Variants in SYCP2L observed in about 807,000 individuals in gnomAD.
The protein encoded by SYCP2L is synaptonemal complex protein 2-like.
A neutral mutation model predicts 125.8 loss-of-function variants in SYCP2L; 98 were observed. That is an observed-to-expected ratio of 0.78 (90% CI 0.66 to 0.92). The LOEUF (loss-of-function observed/expected upper bound fraction) is 0.92. SYCP2L is among the 40% of genes least tolerant of loss of function. The pLI is 0.00. For missense variants in SYCP2L, 842 were observed against 936.4 expected (o/e 0.90, Z 1.32); for synonymous variants, 317 against 325.4 (o/e 0.97, Z 0.28).
At chr6:10,895,469 G>A (rs1280943285) in intron 4 of SYCP2L, among the ~76,000 whole-genome samples, 1 of 152,144 alleles carries the variant, frequency 6.6e-6, no homozygotes, top group Non-Finnish European at 1.5e-5. Flanking sequence ...GGGTGGGCAT[G>A]TAAGAGAAAG....
At chr6:10,894,274 G>T (rs376278284) in intron 4 of SYCP2L, 70 bp downstream of exon 4, 1 of 1,534,410 alleles carries the variant, frequency 6.5e-7, no homozygotes, top group Non-Finnish European at 8.8e-7. Flanking sequence ...TAGTTGTCTA[G>T]TTAAGTTTGG....
chr6:10,898,653 T>A (rs1465628895), intron 5 of SYCP2L, among the ~76,000 whole-genome samples, 171 bp from the exon 6 acceptor site: 1 of 152,220 alleles, frequency 6.6e-6, no homozygotes, highest in African/African-American at 2.4e-5. Context: ...GAGAGTGATA[T>A]GCACATTTTA....
intron 29 of SYCP2L, among the ~76,000 whole-genome samples, chr6:10,970,190 G>T (rs1781747911): frequency 1.3e-5 from 2 of 152,136 alleles, no homozygotes; most frequent in South Asian, 4.1e-4. Context: ...TCTGAAGGTC[G>T]AGATGGAGCC....
At chr6:10,924,712 T>C in intron 15 of SYCP2L, 71 bp downstream of exon 15, 1 of 1,318,532 alleles carries the variant, frequency 7.6e-7, no homozygotes, top group East Asian at 2.9e-5. Context: ...AATGTCCTTG[T>C]TGGGTTTTGA....
chr6:10,895,413 A>G (rs931366019), intron 4 of SYCP2L, among the ~76,000 whole-genome samples: 9 of 152,152 alleles, frequency 5.9e-5, no homozygotes, highest in African/African-American at 2.2e-4. Context: ...GGGTCGTACA[A>G]TCTAATTCCG....
At chr6:10,937,505 C>T (rs1781120922) in intron 21 of SYCP2L, among the ~76,000 whole-genome samples, 1 of 152,056 alleles carries the variant, frequency 6.6e-6, no homozygotes, top group Admixed American at 6.5e-5. Flanking sequence ...CAAGTAACTT[C>T]ACCCCTCAAG....
At chr6:10,930,322 G>A in intron 18 of SYCP2L, 48 bp from the exon 19 acceptor site, 1 of 1,575,256 alleles carries the variant, frequency 6.3e-7, no homozygotes, top group Non-Finnish European at 8.6e-7. Flanking sequence ...ATACATAAGA[G>A]GCACTAACAC....
chr6:10,955,043 G>A, intron 23 of SYCP2L, 73 bp from the exon 24 acceptor site: 1 of 1,036,402 alleles, frequency 9.6e-7, no homozygotes, highest in Non-Finnish European at 1.5e-6. Flanking sequence ...ACTCTTCACA[G>A]TAAGACATTA....
In SYCP2L at chr6:10,902,898, T is replaced by C; in HGVS notation, c.576T>C (p.Ile192=). Residue 192 remains isoleucine, a synonymous_variant, in exon 8 of 30, where the codon ATT becomes ATC. Transcript: ENST00000283141. ...AGGGCTTGAAGACTTTTAACTGCAT[T>C]TTGCACGCTGTCCCTCGAGAAGAGA... ...QQEGLKTFNC[I]LHAVPREERK... 6.2e-7 allele frequency: 1 copy of C among 1,614,198 alleles called. No individual in the cohort carries two copies. Among genetic ancestry groups the C allele is most frequent in the South Asian group, 1.1e-5 (1 of 91,086 alleles).
rs70991076 is a variant in SYCP2L, at chr6:10,931,990, C to CTTTT, written c.1683+515_1683+518dup. Among the ~76,000 whole-genome samples the CTTTT allele has an allele frequency of 0.016, 1,851 of 116,394 alleles. 95 individuals carry two copies. In the East Asian group the frequency reaches 0.2, roughly 13 times the overall value. 76.4% of individuals were successfully genotyped at this position (116,394 alleles called of 152,430 possible). A position where few individuals can be genotyped will look rare whatever the true frequency, so the allele number is the denominator to read the frequency against. Reference sequence around the variant, plus strand: ...AAAAAAAAAAAAAAAGATTGAGGGTCTTTTTTTTTTTTTTTTTAACTGTTC... The same window carrying CTTTT: ...AAAAAAAAAAAAAAAGATTGAGGGTCTTTTTTTTTTTTTTTTTTTTTAACTGTTC... On this transcript the variant is annotated intron_variant, in intron 20 of 29. Transcript: ENST00000283141.
At chr6:10,966,550 C>T (rs1006630972) in intron 29 of SYCP2L, among the ~76,000 whole-genome samples, 2 of 152,004 alleles carry the variant, frequency 1.3e-5, no homozygotes, top group African/African-American at 4.8e-5. Context: ...ATTTTTATTC[C>T]CCAAAGCCCC....
In SYCP2L at chr6:10,954,442, G is replaced by A. The variant is rs1206522226; in HGVS notation, c.1955-674G>A. ...ATTCATTCCATAGGCAGAACCTTGA[G>A]GATGGAGGAGAAGCGGGCAGCAAAG... On this transcript the variant is annotated intron_variant, in intron 23 of 29. Coordinates refer to ENST00000283141, the MANE Select transcript of SYCP2L (RefSeq NM_001040274.3). The surrounding 1 kb of genome is among the most constrained non-coding windows in gnomAD (Gnocchi z 4.8). Among the ~76,000 whole-genome samples the A allele has an allele frequency of 2.6e-5, 4 of 152,172 alleles. No homozygotes were observed. Among genetic ancestry groups the A allele is most frequent in the Admixed American group, 6.5e-5 (1 of 15,272 alleles).
At chr6:10,930,177 A>T (rs144006777) in intron 18 of SYCP2L, 193 bp from the exon 19 acceptor site, 21 of 493,912 alleles carry the variant, frequency 4.3e-5, no homozygotes, top group African/African-American at 3.9e-4. Context: ...TACAACAGCA[A>T]CTTGGTTGAG....
chr6:10,900,843 G>A (rs1350344342), intron 6 of SYCP2L, among the ~76,000 whole-genome samples: 2 of 152,300 alleles, frequency 1.3e-5, no homozygotes, highest in Non-Finnish European at 1.5e-5. Flanking sequence ...GCCCACTCTG[G>A]TCACCTTAGC....
chr6:10,911,609 C>T (rs983562576), intron 12 of SYCP2L, among the ~76,000 whole-genome samples: 10 of 152,150 alleles, frequency 6.6e-5, no homozygotes, highest in African/African-American at 2.2e-4. Context: ...TGTCTCAATT[C>T]TGTGTATTTT....
rs773696488 is a variant in SYCP2L at position 10,955,155 on chromosome 6, G to C, written c.1994G>C (p.Arg665Thr). ...AGTTTTGCTAAGTCACAACAATCAA[G>C]ATTGGAAGAAGAGGTTGCTCCGGGA... ...EGSFAKSQQSRLEEEVAPGSP... is the reference protein window; with the variant it reads ...EGSFAKSQQSTLEEEVAPGSP... The change falls in exon 24 of 30, where the codon AGA (arginine) becomes ACA (threonine). Residue 665 changes from arginine (R) to threonine (T), a missense_variant. Arg to Thr is a moderately conservative substitution (Grantham distance 71). Transcript: ENST00000283141. 20 of 1,613,534 alleles carry C rather than the reference G, an allele frequency of 1.2e-5. No individual in the cohort carries two copies. The highest frequency in any genetic ancestry group is 1.7e-5 in the Non-Finnish European group (20 of 1,179,564).
intron 23 of SYCP2L, among the ~76,000 whole-genome samples, chr6:10,949,921 C>A (rs1010667332): frequency 6.6e-6 from 1 of 152,010 alleles, no homozygotes; most frequent in Non-Finnish European, 1.5e-5. Flanking sequence ...CATTCTCATT[C>A]TTTTATTCTT....
intron 14 of SYCP2L, among the ~76,000 whole-genome samples, chr6:10,916,235 T>C (rs1484971675): frequency 1.3e-5 from 2 of 152,216 alleles, no homozygotes; most frequent in Non-Finnish European, 2.9e-5. Context: ...GTCTTACTCA[T>C]GGTCTATCAG....
At chr6:10,924,010 G>A (rs1225763) in intron 14 of SYCP2L, among the ~76,000 whole-genome samples, 26,845 of 152,180 alleles carry the variant, frequency 0.18, 2,515 homozygotes, top group Middle Eastern at 0.3. Flanking sequence ...AGGTGTTTCC[G>A]TCTCTTCTTC....
Sources: gnomAD v4.1 joint callset for allele counts (sites outside exome capture counted in the v4.1 genomes callset) on GRCh38, gnomAD v4.1.1 for gene constraint, Gnocchi (gnomAD v3.1) non-coding constraint, MANE v1.5 for transcripts, NCBI Gene and HGNC (gene_info 2026-07-23, HGNC 2026-07-21) for gene names.